DOCK3: variants seen among roughly 807,000 people sequenced by gnomAD.
DOCK3 encodes the protein dedicator of cytokinesis protein 3.
In DOCK3, 60 loss-of-function variants were observed where a neutral mutation model predicts 265.6. The ratio of observed to expected loss-of-function variants is 0.23; its 90% CI spans 0.18 to 0.28. DOCK3 has a LOEUF of 0.28. Ranked by LOEUF, DOCK3 falls within the 10% of genes least tolerant of loss-of-function variation. DOCK3 has a pLI of 1.00. For missense variants in DOCK3, 1,981 were observed against 2,594.3 expected (o/e 0.76, Z 5.14); for synonymous variants, 881 against 938.0 (o/e 0.94, Z 1.11).
intron 12 of DOCK3, among the ~76,000 whole-genome samples, chr3:51,172,170 A>T (rs1473700723): frequency 8.4e-6 from 1 of 119,284 alleles, no homozygotes; most frequent in East Asian, 2.3e-4. Context: ...TTTGAATGGA[A>T]TATCGTTTCT....
At chr3:51,338,497 CT>C in intron 36 of DOCK3, 78 bp downstream of exon 36, 1 of 1,494,698 alleles carries the variant, frequency 6.7e-7, no homozygotes, top group Non-Finnish European at 9.1e-7. Flanking sequence ...CTTGGCCCTT[CT>C]ACAATACATG....
chr3:51,224,029 G>A (rs1039906420), intron 14 of DOCK3, among the ~76,000 whole-genome samples: 2 of 152,196 alleles, frequency 1.3e-5, no homozygotes, highest in Non-Finnish European at 2.9e-5. Context: ...CAATCCAAGG[G>A]TTTGTGCAGA....
chr3:51,245,444 G>T (rs540760128), intron 21 of DOCK3, among the ~76,000 whole-genome samples: 1 of 143,960 alleles, frequency 6.9e-6, no homozygotes, highest in African/African-American at 2.6e-5. Flanking sequence ...GGGCTGGAGT[G>T]CAATGGCCTG....
At chr3:51,178,756 C>T (rs1056670790) in intron 12 of DOCK3, among the ~76,000 whole-genome samples, 8 of 152,204 alleles carry the variant, frequency 5.3e-5, no homozygotes, top group African/African-American at 1.9e-4. Context: ...AGTCAACTTA[C>T]TAGAAATAAA....
chr3:50,831,704 C>T (rs1045948630), intron 2 of DOCK3, among the ~76,000 whole-genome samples: 1 of 152,150 alleles, frequency 6.6e-6, no homozygotes, highest in Admixed American at 6.5e-5. Context: ...GTGCATGCAT[C>T]TTTATAGTAG....
intron 5 of DOCK3, among the ~76,000 whole-genome samples, chr3:50,955,498 C>G (rs913908889): frequency 3.9e-5 from 6 of 152,150 alleles, no homozygotes; most frequent in African/African-American, 1.4e-4. Flanking sequence ...GAATACTATA[C>G]AGCCATAAAA....
Position 50,675,053 on chromosome 3 carries a change from G to A in DOCK3, c.-211G>A, listed in dbSNP as rs983741783. ...GCGAGCCTTCGCCCGCGCCGCCAGG[G>A]GCTGCTGGGCCACCCGCGGAGCCTC... On this transcript the variant is annotated 5_prime_UTR_variant, in exon 1 of 53. Transcript: ENST00000266037. The surrounding 1 kb of genome is among the most constrained non-coding windows in gnomAD (Gnocchi z 6.1). 1.4e-3 allele frequency: 233 copies of A among 166,706 alleles called. No individual in the cohort carries two copies. Among genetic ancestry groups the A allele is most frequent in the Non-Finnish European group, 2.4e-3 (195 of 82,024 alleles). The allele number at this position is 166,706 out of a possible 1,614,324, so 10.3% of individuals were successfully genotyped here. A position where few individuals can be genotyped will look rare whatever the true frequency, so the allele number is the denominator to read the frequency against.
chr3:51,061,675 C>G (rs1271562511), intron 5 of DOCK3, among the ~76,000 whole-genome samples: 1 of 151,642 alleles, frequency 6.6e-6, no homozygotes, highest in African/African-American at 2.4e-5. Flanking sequence ...AATTAACCTG[C>G]ACGTTGTGAA....
intron 1 of DOCK3, among the ~76,000 whole-genome samples, chr3:50,736,425 A>G (rs1406498831): frequency 6.6e-6 from 1 of 152,192 alleles, no homozygotes; most frequent in Non-Finnish European, 1.5e-5. Context: ...CAGTAATGGG[A>G]TGGCTGGGTC....
At chr3:51,224,334 A>G (rs1394250807) in intron 14 of DOCK3, among the ~76,000 whole-genome samples, 1 of 152,248 alleles carries the variant, frequency 6.6e-6, no homozygotes, top group Non-Finnish European at 1.5e-5. Context: ...TGGAAGGACT[A>G]GTCACGAAGA....
At chr3:50,782,973 T>C (rs2041999756) in intron 2 of DOCK3, among the ~76,000 whole-genome samples, 1 of 151,784 alleles carries the variant, frequency 6.6e-6, no homozygotes, top group African/African-American at 2.4e-5. Context: ...TGATTTTTTT[T>C]TTTTTTTTGG....
chr3:51,154,362 C>T (rs748089436), intron 10 of DOCK3, among the ~76,000 whole-genome samples: 50 of 152,186 alleles, frequency 3.3e-4, no homozygotes, highest in Admixed American at 5.9e-4. Flanking sequence ...CCCATGATGG[C>T]GGTTAAGGGA....
At chr3:50,704,936 C>T (rs1268640508) in intron 1 of DOCK3, among the ~76,000 whole-genome samples, 4 of 151,748 alleles carry the variant, frequency 2.6e-5, no homozygotes, top group African/African-American at 9.7e-5. Context: ...GCCTCTATAT[C>T]TTTTAATTGG....
chr3:51,275,137 G>C lies in DOCK3; in HGVS notation c.2607G>C (p.Gln869His), dbSNP rs1424282779. 4 of 1,613,984 alleles carry C rather than the reference G, an allele frequency of 2.5e-6. No homozygotes were observed. The South Asian group carries it at 3.3e-5, about 13-fold the overall frequency. Residue 869 changes from glutamine (Q) to histidine (H), a missense_variant, in exon 25 of 53, where the codon CAG (glutamine) becomes CAC (histidine). Gln to His is a conservative substitution (Grantham distance 24, BLOSUM62 0). Coordinates refer to ENST00000266037, the MANE Select transcript of DOCK3 (RefSeq NM_004947.5). The part of the protein sequence containing the change: ...VLHHIHLHLR[Q>H]QKELLICSGI... ...ATCACATTCACCTTCACCTGAGGCA[G>C]CAGAAAGAGCTGCTAATTTGCTCAG...
chr3:50,932,459 A>G (rs191837514), intron 4 of DOCK3, among the ~76,000 whole-genome samples: 71 of 152,218 alleles, frequency 4.7e-4, no homozygotes, highest in African/African-American at 1.6e-3. Flanking sequence ...ATATATCAGT[A>G]TATTAAGTCT....
chr3:51,255,404 A>T (rs1367598845), intron 22 of DOCK3, among the ~76,000 whole-genome samples: 1 of 152,116 alleles, frequency 6.6e-6, no homozygotes, highest in African/African-American at 2.4e-5. Context: ...CTGAATTTGA[A>T]TGTTGGCCTG....
At chr3:51,201,632 G>A (rs1437014493) in intron 12 of DOCK3, among the ~76,000 whole-genome samples, 2 of 152,050 alleles carry the variant, frequency 1.3e-5, no homozygotes, top group Non-Finnish European at 2.9e-5. Flanking sequence ...AAGTCAACAA[G>A]GATACCCAGG....
At chr3:51,204,811 A>G (rs1300001876) in intron 12 of DOCK3, among the ~76,000 whole-genome samples, 1 of 151,996 alleles carries the variant, frequency 6.6e-6, no homozygotes, top group Admixed American at 6.6e-5. Flanking sequence ...TGTGGCACAT[A>G]TACACCATGG....
intron 1 of DOCK3, among the ~76,000 whole-genome samples, chr3:50,743,362 A>G (rs1193118527): frequency 2.0e-5 from 3 of 151,992 alleles, no homozygotes; most frequent in African/African-American, 4.8e-5. Context: ...TTAAATGTAA[A>G]TGGACTAAAA....
Sources: allele counts gnomAD v4.1 joint callset (sites outside exome capture counted in the v4.1 genomes callset), GRCh38; gene constraint gnomAD v4.1.1; non-coding constraint Gnocchi (gnomAD v3.1); transcripts MANE v1.5; gene names NCBI Gene and HGNC (gene_info 2026-07-23, HGNC 2026-07-21).